PRKACA: variants seen among roughly 807,000 people sequenced by gnomAD.
PRKACA encodes the protein protein kinase cAMP-activated catalytic subunit alpha, also known as cAMP-dependent protein kinase catalytic subunit alpha.
Under a neutral mutation model 45.8 loss-of-function variants are expected in PRKACA, and 9 were observed. The ratio of observed to expected loss-of-function variants is 0.20; its 90% CI spans 0.12 to 0.34. The LOEUF is 0.34. Ranked by LOEUF, PRKACA falls within the 10% of genes least tolerant of loss-of-function variation. The probability of loss-of-function intolerance (pLI) is 1.00; values close to 1 mark genes in which losing one functional copy is unlikely to be tolerated. For synonymous variants in PRKACA, 160 were observed against 178.6 expected (o/e 0.90, Z 0.83); for missense variants, 238 against 458.6 (o/e 0.52, Z 4.39).
At position 14,093,014 on chromosome 19, in the gene PRKACA, C is replaced by T. The variant is rs951998594; in HGVS notation, c.*98G>A. The stretch of plus-strand genomic sequence containing the variant: ...TGGGGGTGAAATTAGATGCAAGGAA[C>T]TCTGGGGCCCTCTGGCTGTTCAATC... On this transcript the variant is annotated 3_prime_UTR_variant, in exon 10 of 10. Transcript: ENST00000308677. 1.5e-6 allele frequency: 2 copies of T among 1,364,750 alleles called. No individual in the cohort carries two copies. The highest frequency in any genetic ancestry group is 2.9e-5 in the African/African-American group (2 of 67,898). 84.5% of individuals were successfully genotyped at this position (1,364,750 alleles called of 1,614,324 possible).
intron 3 of PRKACA, among the ~76,000 whole-genome samples, chr19:14,104,708 A>G (rs2144466842): frequency 6.6e-6 from 1 of 151,324 alleles, no homozygotes; most frequent in South Asian, 2.1e-4. Flanking sequence ...AAAAAAAAAA[A>G]AAAAAAATTA....
Position 14,097,490 on chromosome 19 carries a change from C to G in PRKACA, c.643-7G>C, listed in dbSNP as rs780505410. 1 of 1,613,968 alleles carries G rather than the reference C, an allele frequency of 6.2e-7. No homozygotes were observed. The stretch of plus-strand genomic sequence containing the variant: ...CCACGGCCTTGTTGTAGCCCTGGAG[C>G]AAGATGGGGGGGCACAGGGTGAGGA... On this transcript the variant is annotated splice_region_variant and splice_polypyrimidine_tract_variant and intron_variant, in intron 7 of 9. Coordinates refer to ENST00000308677, the MANE Select transcript of PRKACA (RefSeq NM_002730.4). This position sits in a 1 kb window ranked among gnomAD's most constrained non-coding sequence, Gnocchi z 5.4.
chr19:14,117,349 G>C (rs572177917), intron 1 of PRKACA, among the ~76,000 whole-genome samples, 153 bp downstream of exon 1: 3 of 151,022 alleles, frequency 2.0e-5, no homozygotes, highest in South Asian at 4.2e-4. Flanking sequence ...CTGCGGGCCC[G>C]CGGGCCCCAG....
At chr19:14,106,963 C>G (rs1324931219) in intron 2 of PRKACA, 75 bp from the exon 3 acceptor site, 26 of 1,569,904 alleles carry the variant, frequency 1.7e-5, no homozygotes, top group Non-Finnish European at 2.0e-5. Context: ...GGGGCATCCC[C>G]TCTGCCACCG....
At chr19:14,117,382 G>C (rs1967131230) in intron 1 of PRKACA, 120 bp downstream of exon 1, 1 of 1,096,300 alleles carries the variant, frequency 9.1e-7, no homozygotes, top group Non-Finnish European at 1.1e-6. Flanking sequence ...CGGGGCAAGG[G>C]GCGCTGGGGG....
intron 1 of PRKACA, among the ~76,000 whole-genome samples, chr19:14,109,353 C>T (rs1227790871): frequency 6.6e-6 from 1 of 151,944 alleles, no homozygotes; most frequent in Non-Finnish European, 1.5e-5. Context: ...GGCATGGTGG[C>T]AGGAGAATCG....
At position 14,117,450 on chromosome 19, in the gene PRKACA, G is replaced by A. The variant is rs41301234; in HGVS notation, c.46+52C>T. 7.9e-4 allele frequency: 989 copies of A among 1,256,678 alleles called. 9 individuals carry two copies. In the African/African-American group the frequency reaches 0.014, roughly 17 times the overall value. The allele number at this position is 1,256,678 out of a possible 1,614,324, so 77.8% of individuals were successfully genotyped here. On this transcript the variant is annotated intron_variant, in intron 1 of 9. Coordinates refer to ENST00000308677, the MANE Select transcript of PRKACA (RefSeq NM_002730.4). ...GAGGGGCCAGGCGATGATGGACAAG[G>A]CCAGGGCTGGCAGCGCAGGGCCAAG...
Position 14,097,515 on chromosome 19 carries a change from A to C in PRKACA, c.643-32T>G. On this transcript the variant is annotated intron_variant, in intron 7 of 9. Transcript: ENST00000308677. This position sits in a 1 kb window ranked among gnomAD's most constrained non-coding sequence, Gnocchi z 5.4. Reference sequence around the variant, plus strand: ...CAAGATGGGGGGGCACAGGGTGAGGAGGAGGCGAGAGCAGGAGAGCAGAGC... The same window carrying C: ...CAAGATGGGGGGGCACAGGGTGAGGCGGAGGCGAGAGCAGGAGAGCAGAGC... 3.1e-6 allele frequency: 5 copies of C among 1,613,848 alleles called. No individual in the cohort carries two copies. Among genetic ancestry groups the C allele is most frequent in the Non-Finnish European group, 4.2e-6 (5 of 1,179,872 alleles).
At position 14,092,950 on chromosome 19, in the gene PRKACA, A is replaced by T; in HGVS notation, c.*162T>A. On this transcript the variant is annotated 3_prime_UTR_variant, in exon 10 of 10. Transcript: ENST00000308677. ...AGCTGGTGTTTCTGTCCCTCTGATT[A>T]TCTGGGCTTCCTGCTCCCCCTAACC... 1.2e-6 allele frequency: 1 copy of T among 864,988 alleles called. No homozygotes were observed. Among genetic ancestry groups the T allele is most frequent in the Non-Finnish European group, 1.7e-6 (1 of 600,338 alleles). 53.6% of individuals were successfully genotyped at this position (864,988 alleles called of 1,614,324 possible). A position where few individuals can be genotyped will look rare whatever the true frequency, so the allele number is the denominator to read the frequency against.
At position 14,096,876 on chromosome 19, in the gene PRKACA, A is replaced by G. The variant is rs908110311; in HGVS notation, c.765+485T>C. 5 of 261,274 alleles carry G rather than the reference A, an allele frequency of 1.9e-5. No individual in the cohort carries two copies. The Admixed American group carries it at 2.6e-4, about 13-fold the overall frequency. 16.2% of individuals were successfully genotyped at this position (261,274 alleles called of 1,614,324 possible). On this transcript the variant is annotated intron_variant, in intron 8 of 9. Transcript: ENST00000308677. ...GCACCTGTCATAGATGTGAGCTGAG[A>G]TGGCTTCACCACCCCTCATCTGAAC...
chr19:14,116,474 C>G (rs1360331353), intron 1 of PRKACA, among the ~76,000 whole-genome samples: 1 of 152,186 alleles, frequency 6.6e-6, no homozygotes, highest in Non-Finnish European at 1.5e-5. Context: ...CTCTTTCTGA[C>G]CATCTCAGTT....
At chr19:14,113,556 G>C (rs1039538238) in intron 1 of PRKACA, among the ~76,000 whole-genome samples, 1 of 152,182 alleles carries the variant, frequency 6.6e-6, no homozygotes, top group African/African-American at 2.4e-5. Context: ...ATATCAATTT[G>C]GGCAAGGGGC....
At chr19:14,114,635 C>T (rs942980827) in intron 1 of PRKACA, among the ~76,000 whole-genome samples, 1 of 152,100 alleles carries the variant, frequency 6.6e-6, no homozygotes, top group South Asian at 2.1e-4. Context: ...ACGACCTGAG[C>T]CCCACTTGGC....
chr19:14,099,525 A>G (rs1404426563), intron 5 of PRKACA, among the ~76,000 whole-genome samples: 2 of 150,630 alleles, frequency 1.3e-5, no homozygotes, highest in Non-Finnish European at 2.9e-5. Context: ...TCCCAGACTC[A>G]GGTGATCTTC....
In PRKACA at chr19:14,107,417, G is replaced by A. The variant is rs776847657; in HGVS notation, c.47-8C>T. On this transcript the variant is annotated splice_region_variant and splice_polypyrimidine_tract_variant and intron_variant, in intron 1 of 9. Coordinates refer to ENST00000308677, the MANE Select transcript of PRKACA (RefSeq NM_002730.4). ...TGGCTAAGAATTCTTTCACTGAAAG[G>A]GAGAGAGGGGAGAGTTATACAGAGA... 1.9e-6 allele frequency: 3 copies of A among 1,612,670 alleles called. No individual in the cohort carries two copies. Among genetic ancestry groups the A allele is most frequent in the Non-Finnish European group, 8.5e-7 (1 of 1,178,746 alleles).
intron 5 of PRKACA, 176 bp from the exon 6 acceptor site, chr19:14,098,066 G>A: frequency 1.4e-6 from 1 of 718,600 alleles, no homozygotes; most frequent in Non-Finnish European, 2.2e-6. Flanking sequence ...CCATCCACAG[G>A]AAAATGGAAT....
In PRKACA at chr19:14,100,820, G is replaced by A. The variant is rs745912726; in HGVS notation, c.419+6C>T. ...AGCCTGATGTGATGGGGGGTGGCCC[G>A]CTTACCTGAACCTTCCGATCCGCCG... On this transcript the variant is annotated splice_donor_region_variant and intron_variant, in intron 5 of 9. Coordinates refer to ENST00000308677, the MANE Select transcript of PRKACA (RefSeq NM_002730.4). 8.9e-5 allele frequency: 144 copies of A among 1,613,654 alleles called. No individual in the cohort carries two copies. In the South Asian group the frequency reaches 1.3e-3, roughly 15 times the overall value.
intron 1 of PRKACA, among the ~76,000 whole-genome samples, chr19:14,110,615 G>A (rs995239897): frequency 3.3e-5 from 5 of 152,034 alleles, no homozygotes; most frequent in African/African-American, 1.2e-4. Flanking sequence ...ACAAATATAG[G>A]AGATACACTG....
At chr19:14,095,430 A>ACCTCTCCT in intron 8 of PRKACA, among the ~76,000 whole-genome samples, 1 of 151,282 alleles carries the variant, frequency 6.6e-6, no homozygotes, top group Non-Finnish European at 1.5e-5. Context: ...CGGCCTCCCA[A>ACCTCTCCT]AGTGCTGGGA....
Sources: gnomAD v4.1 joint callset for allele counts (sites outside exome capture counted in the v4.1 genomes callset) on GRCh38, gnomAD v4.1.1 for gene constraint, Gnocchi (gnomAD v3.1) non-coding constraint, MANE v1.5 for transcripts, NCBI Gene and HGNC (gene_info 2026-07-23, HGNC 2026-07-21) for gene names.